Variants in ASB15 observed in about 807,000 individuals in gnomAD.
The protein encoded by ASB15 is ankyrin repeat and SOCS box protein 15.
Under a neutral mutation model 58.0 loss-of-function variants are expected in ASB15, and 54 were observed. The observed-to-expected ratio is 0.93, with a 90% CI of 0.75 to 1.17. The LOEUF (loss-of-function observed/expected upper bound fraction) is 1.17, where lower values mean the gene tolerates loss of function less well. Ranked by LOEUF, ASB15 falls within the 50% of genes most tolerant of loss-of-function variation. ASB15 has a pLI of 0.00. For synonymous variants in ASB15, 249 were observed against 262.4 expected, an observed-to-expected ratio of 0.95 and a Z score of 0.50; for missense variants, 680 against 707.4, an observed-to-expected ratio of 0.96 and a Z score of 0.44.
chr7:123,637,878 T>TAAAAAAAAAAAAAAAAAAAAAAAG lies in ASB15; in HGVS notation c.*919_*920insAGAAAAAAAAAAAAAAAAAAAAAA, dbSNP rs71161491. 9.1e-4 allele frequency: 48 copies of TAAAAAAAAAAAAAAAAAAAAAAAG among 52,464 alleles called. No homozygotes were observed. The highest frequency in any genetic ancestry group is 1.5e-3 in the Non-Finnish European group (39 of 26,686). The allele number at this position is 52,464 out of a possible 1,614,324, so 3.2% of individuals were successfully genotyped here. On this transcript the variant is annotated 3_prime_UTR_variant, in exon 12 of 12. Transcript: ENST00000451215. ...AAATTCAACATGTCCCCAGATGAAC[T>TAAAAAAAAAAAAAAAAAAAAAAAG]AAAAAAAAAAAAAAAAAAAAAACCT...
At position 123,616,477 on chromosome 7, in the gene ASB15, C is replaced by A; in HGVS notation, c.274C>A (p.Leu92Ile). The change falls in exon 6 of 12, where the codon CTT becomes ATT. Residue 92 changes from leucine to isoleucine, a missense_variant. By Grantham distance (5) the Leu-to-Ile change is conservative. Coordinates refer to ENST00000451215, the MANE Select transcript of ASB15 (RefSeq NM_001290258.2). ...EAVVQPIQQI[L>I]EIVLDASYKT... is the part of the protein sequence containing the mutation. ...TGTTGTTCAACCCATTCAACAAATA[C>A]TTGAGATTGTTCTGGATGGTAAGAG... The A allele has an allele frequency of 6.2e-7, 1 of 1,612,648 alleles. No individual in the cohort carries two copies. Among genetic ancestry groups the A allele is most frequent in the Admixed American group, 1.7e-5 (1 of 59,872 alleles).
At chr7:123,580,194 C>A (rs1307898269) in intron 1 of ASB15, among the ~76,000 whole-genome samples, 1 of 151,954 alleles carries the variant, frequency 6.6e-6, no homozygotes, top group Non-Finnish European at 1.5e-5. Context: ...ACAAGATGAA[C>A]AAGAACCCAG....
chr7:123,570,341 T>C (rs1180340515), intron 1 of ASB15, among the ~76,000 whole-genome samples: 1 of 152,068 alleles, frequency 6.6e-6, no homozygotes, highest in Non-Finnish European at 1.5e-5. Flanking sequence ...CAGCCTGCCA[T>C]AGCTCTTATA....
intron 10 of ASB15, 90 bp downstream of exon 10, chr7:123,629,524 T>TGG (rs1802011747): frequency 8.2e-7 from 1 of 1,214,006 alleles, no homozygotes. Context: ...AAAAGAAAAA[T>TGG]AAACTCTAAT....
chr7:123,624,555 C>A lies in ASB15; in HGVS notation c.452-14C>A. On this transcript the variant is annotated splice_polypyrimidine_tract_variant and intron_variant, in intron 7 of 11. Coordinates refer to ENST00000451215, the MANE Select transcript of ASB15 (RefSeq NM_001290258.2). ...TTAATATACTTACTGTTGTTTTTAA[C>A]AATCATTTTCAAGCTGTGAAAAAGG... The A allele has an allele frequency of 6.2e-7, 1 of 1,606,414 alleles. No homozygotes were observed. Among genetic ancestry groups the A allele is most frequent in the East Asian group, 2.2e-5 (1 of 44,834 alleles).
At chr7:123,586,516 C>T (rs988850667) in intron 1 of ASB15, among the ~76,000 whole-genome samples, 14 of 151,400 alleles carry the variant, frequency 9.2e-5, no homozygotes, top group African/African-American at 2.4e-4. Context: ...CATTTTCTTT[C>T]GTTGATTGTT....
chr7:123,619,299 T>C (rs1801069421), intron 7 of ASB15, among the ~76,000 whole-genome samples: 2 of 151,714 alleles, frequency 1.3e-5, no homozygotes, highest in Admixed American at 1.3e-4. Flanking sequence ...GAGAATTAGA[T>C]GTGATTTAAA....
intron 9 of ASB15, among the ~76,000 whole-genome samples, chr7:123,628,041 C>A (rs529264868): frequency 6.6e-6 from 1 of 152,294 alleles, no homozygotes. Flanking sequence ...ACAGTAGACA[C>A]AAGAGATCAG....
chr7:123,567,978 T>G (rs1315548224), intron 1 of ASB15, among the ~76,000 whole-genome samples: 1 of 152,212 alleles, frequency 6.6e-6, no homozygotes, highest in African/African-American at 2.4e-5. Context: ...ATCTATAGTA[T>G]GAACACTTCT....
At chr7:123,597,483 A>G (rs915443683), upstream of ASB15, among the ~76,000 whole-genome samples, 4 of 152,218 alleles carry the variant, frequency 2.6e-5, no homozygotes, top group Non-Finnish European at 4.4e-5. Context: ...ACCAGCATAC[A>G]TAGAGTTCTG....
chr7:123,621,443 T>C lies in ASB15; in HGVS notation c.452-3126T>C, dbSNP rs993207449. 10 of 152,328 alleles carry C rather than the reference T, an allele frequency of 6.6e-5. No individual in the cohort carries two copies. The East Asian group carries it at 1.7e-3, about 26-fold the overall frequency. The allele number at this position is 152,328 out of a possible 1,614,324, so 9.4% of individuals were successfully genotyped here. A position where few individuals can be genotyped will look rare whatever the true frequency, so the allele number is the denominator to read the frequency against. ...ACCCATGCCAAGTCTTCTTAGGTTT[T>C]ATAGGAAAATGGATTATTCATGGCA... On this transcript the variant is annotated intron_variant, in intron 7 of 11. Coordinates refer to ENST00000451215, the MANE Select transcript of ASB15 (RefSeq NM_001290258.2).
intron 4 of ASB15, 39 bp from the exon 5 acceptor site, chr7:123,616,182 T>C (rs373061634): frequency 6.9e-7 from 1 of 1,442,646 alleles, no homozygotes; most frequent in Non-Finnish European, 9.7e-7. Flanking sequence ...ACTATATCAC[T>C]AGTATCTAGT....
At chr7:123,588,630 T>G (rs1251741326) in intron 1 of ASB15, among the ~76,000 whole-genome samples, 2 of 151,398 alleles carry the variant, frequency 1.3e-5, no homozygotes, top group African/African-American at 4.8e-5. Context: ...GTTATTTTGT[T>G]TTTCTTTTTC....
chr7:123,577,711 T>C (rs1799103340), intron 1 of ASB15, among the ~76,000 whole-genome samples: 3 of 152,114 alleles, frequency 2.0e-5, no homozygotes, highest in Admixed American at 6.6e-5. Flanking sequence ...TAGATTTTCT[T>C]TGGATATGGT....
At chr7:123,583,655 G>A (rs1038678813) in intron 1 of ASB15, among the ~76,000 whole-genome samples, 13 of 151,802 alleles carry the variant, frequency 8.6e-5, no homozygotes, top group Non-Finnish European at 1.5e-4. Flanking sequence ...AGATTTTTTC[G>A]GAGAGAAGGC....
intron 7 of ASB15, among the ~76,000 whole-genome samples, chr7:123,619,481 A>C (rs1017015522): frequency 1.3e-5 from 2 of 152,076 alleles, no homozygotes; most frequent in Admixed American, 6.5e-5. Context: ...TGCTCAGTGA[A>C]GAGGGTCTCC....
In ASB15 at chr7:123,630,101, G is replaced by A; in HGVS notation, c.1576G>A (p.Glu526Lys). Residue 526 changes from glutamate (E) to lysine (K), a missense_variant, in exon 11 of 12, where the codon GAA becomes AAA. Transcript: ENST00000451215. ...ACTAGAAGTACAGAGAGAATGGCCA[G>A]AAATCCGCCAAATACTAGGTAAAAA... ...SALEVQREWP[E>K]IRQILENPCS... is the part of the protein sequence containing the mutation. 6.3e-7 allele frequency: 1 copy of A among 1,592,962 alleles called. No individual in the cohort carries two copies. Among genetic ancestry groups the A allele is most frequent in the Non-Finnish European group, 8.6e-7 (1 of 1,167,894 alleles).
intron 3 of ASB15, among the ~76,000 whole-genome samples, chr7:123,610,832 C>A (rs562717097): frequency 4.6e-5 from 7 of 152,132 alleles, no homozygotes; most frequent in Non-Finnish European, 7.4e-5. Flanking sequence ...TGTTAAATGG[C>A]AAATTATTAT....
At position 123,638,592 on chromosome 7, in the gene ASB15, G is replaced by C. The variant is rs780523811; in HGVS notation, c.*1611G>C. 1 of 152,042 alleles carries C rather than the reference G, an allele frequency of 6.6e-6. No individual in the cohort carries two copies. The highest frequency in any genetic ancestry group is 2.1e-4 in the South Asian group (1 of 4,824). 9.4% of individuals were successfully genotyped at this position (152,042 alleles called of 1,614,324 possible). On this transcript the variant is annotated 3_prime_UTR_variant, in exon 12 of 12. Coordinates refer to ENST00000451215, the MANE Select transcript of ASB15 (RefSeq NM_001290258.2). ...ACACTGCTCTCATTTCCCCATTGAC[G>C]AGTGAGAATTTCACTGTGGGCCATC...
Sources: allele counts gnomAD v4.1 joint callset (sites outside exome capture counted in the v4.1 genomes callset), GRCh38; gene constraint gnomAD v4.1.1; transcripts MANE v1.5; gene names NCBI Gene and HGNC (gene_info 2026-07-23, HGNC 2026-07-21).